Variants in RANBP2 observed in about 807,000 individuals in gnomAD.
RANBP2 encodes the protein E3 SUMO-protein ligase RanBP2.
RANBP2 carries 57 observed loss-of-function variants against 303.6 expected under a neutral mutation model. The observed-to-expected ratio is 0.19, with a 90% CI of 0.15 to 0.23. The LOEUF (loss-of-function observed/expected upper bound fraction) is 0.23. RANBP2 is among the 10% of genes least tolerant of loss of function. The pLI, the probability that RANBP2 is intolerant of heterozygous loss-of-function variation, is 1.00. For missense variants in RANBP2, 3,138 were observed against 3,780.8 expected (o/e 0.83, Z 4.46); for synonymous variants, 1,167 against 1,301.5 (o/e 0.90, Z 2.23).
the RANBP2 span, among the ~76,000 whole-genome samples, chr2:109,085,122 C>T: frequency 6.6e-5 from 10 of 152,164 alleles, no homozygotes; most frequent in Non-Finnish European, 1.0e-4. Flanking sequence ...TCCAGGAAGC[C>T]GAGGAGGACC....
At chr2:109,694,226 T>C in the RANBP2 span, among the ~76,000 whole-genome samples, 1 of 152,260 alleles carries the variant, frequency 6.6e-6, no homozygotes, top group Non-Finnish European at 1.5e-5. Flanking sequence ...GTTCTCACTA[T>C]GCTTGTTTAA....
rs1309155199 is a variant in RANBP2 at position 108,765,988 on chromosome 2, G to C, written c.5449G>C (p.Ala1817Pro). The C allele has an allele frequency of 6.2e-7, 1 of 1,614,042 alleles. No individual in the cohort carries two copies. The highest frequency in any genetic ancestry group is 8.5e-7 in the Non-Finnish European group (1 of 1,180,002). ...SKPTHKPIAE[A>P]PSAFTLGSEM... is the part of the protein sequence containing the mutation. Reference sequence around the variant, plus strand: ...ACCAACTCATAAACCTATTGCAGAAGCTCCTTCAGCTTTCACACTGGGCTC... The same window carrying C: ...ACCAACTCATAAACCTATTGCAGAACCTCCTTCAGCTTTCACACTGGGCTC... Residue 1817 changes from alanine (A) to proline (P), a missense_variant, in exon 20 of 29, where the codon GCT (alanine) becomes CCT (proline). Ala to Pro is a conservative substitution (Grantham distance 27, BLOSUM62 -1). Transcript: ENST00000283195.
chr2:109,078,100 A>ATATATATAGCATG, the RANBP2 span, among the ~76,000 whole-genome samples: 2 of 70,006 alleles, frequency 2.9e-5, no homozygotes, highest in African/African-American at 1.0e-4. Flanking sequence ...ATATATATAT[A>ATATATATAGCATG]TATATATATA....
At chr2:109,774,518 TATATTATATATATTATATATAAA>T in the RANBP2 span, among the ~76,000 whole-genome samples, 1 of 85,000 alleles carries the variant, frequency 1.2e-5, no homozygotes, top group African/African-American at 6.7e-5. Flanking sequence ...ATATATAATA[TATATTATATATATTATATATAAA>T]ATATATATAA....
the RANBP2 span, among the ~76,000 whole-genome samples, chr2:109,096,855 G>A: frequency 1.4e-5 from 2 of 146,798 alleles, no homozygotes; most frequent in South Asian, 2.3e-4. Context: ...TACCCAGATT[G>A]ATAAACTTGC....
At chr2:109,713,169 G>T in the RANBP2 span, among the ~76,000 whole-genome samples, 1 of 152,134 alleles carries the variant, frequency 6.6e-6, no homozygotes, top group African/African-American at 2.4e-5. Flanking sequence ...CCAGAGCAGG[G>T]TTCCTGGAAG....
the RANBP2 span, among the ~76,000 whole-genome samples, chr2:108,875,332 AAAAAGAAAC>A: frequency 1.2e-4 from 16 of 136,196 alleles, no homozygotes; most frequent in East Asian, 0.019. Context: ...AAAAAAAAAA[AAAAAGAAAC>A]AAATTCTTAA....
At chr2:109,240,940 C>T in the RANBP2 span, among the ~76,000 whole-genome samples, 1,110 of 140,872 alleles carry the variant, frequency 7.9e-3, 8 homozygotes, top group South Asian at 0.025. Context: ...CATCTTCTTT[C>T]TCCCTCACCT....
At chr2:109,613,046 G>A in the RANBP2 span, 2 of 541,810 alleles carry the variant, frequency 3.7e-6, no homozygotes, top group Non-Finnish European at 3.3e-6. Context: ...AAAATTAAAA[G>A]GGAGAATTTG....
the RANBP2 span, chr2:109,313,505 G>C: frequency 6.5e-6 from 1 of 154,868 alleles, no homozygotes; most frequent in Non-Finnish European, 1.5e-5. Flanking sequence ...CTGGGTGAGC[G>C]CTGTACCAGT....
the RANBP2 span, among the ~76,000 whole-genome samples, chr2:109,239,107 C>G: frequency 4.6e-5 from 7 of 152,208 alleles, no homozygotes; most frequent in African/African-American, 1.7e-4. Context: ...ACGTCCAAGA[C>G]ACGTCTTTTC....
the RANBP2 span, chr2:108,931,150 T>C: frequency 1.2e-6 from 1 of 815,282 alleles, no homozygotes; most frequent in South Asian, 1.4e-5. Context: ...GGGGAAACTA[T>C]ACATCCTAAA....
At chr2:109,066,328 T>G in the RANBP2 span, among the ~76,000 whole-genome samples, 1 of 152,028 alleles carries the variant, frequency 6.6e-6, no homozygotes. Context: ...AGGCTGGTCT[T>G]GAACTCCTGA....
chr2:109,400,931 C>A, the RANBP2 span, among the ~76,000 whole-genome samples: 2 of 152,196 alleles, frequency 1.3e-5, no homozygotes, highest in Non-Finnish European at 2.9e-5. Context: ...TGGTCCCAAC[C>A]CTAACTCCAC....
the RANBP2 span, among the ~76,000 whole-genome samples, chr2:109,038,881 T>C: frequency 2.0e-5 from 3 of 152,154 alleles, no homozygotes; most frequent in Non-Finnish European, 4.4e-5. Flanking sequence ...GTAAGTGTAG[T>C]GGTATCTCTT....
the RANBP2 span, among the ~76,000 whole-genome samples, chr2:109,668,419 T>C: frequency 6.6e-6 from 1 of 152,176 alleles, no homozygotes; most frequent in Non-Finnish European, 1.5e-5. Context: ...GCATATATAC[T>C]TGGGAAGCTG....
chr2:109,391,085 G>A, the RANBP2 span, among the ~76,000 whole-genome samples: 1 of 152,238 alleles, frequency 6.6e-6, no homozygotes, highest in Non-Finnish European at 1.5e-5. Flanking sequence ...GTCCATAAGA[G>A]GGGGCTGAAA....
At chr2:109,425,009 G>C in the RANBP2 span, among the ~76,000 whole-genome samples, 1 of 152,164 alleles carries the variant, frequency 6.6e-6, no homozygotes, top group African/African-American at 2.4e-5. Flanking sequence ...GTTATTGAAG[G>C]AAATTAAAAG....
chr2:108,871,259 G>A, the RANBP2 span, among the ~76,000 whole-genome samples: 1 of 151,358 alleles, frequency 6.6e-6, no homozygotes, highest in African/African-American at 2.4e-5. Flanking sequence ...CTAGCCAGGT[G>A]TGGTGTCTCA....
Sources: allele counts gnomAD v4.1 joint callset (sites outside exome capture counted in the v4.1 genomes callset), GRCh38; gene constraint gnomAD v4.1.1; transcripts MANE v1.5; gene names NCBI Gene and HGNC (gene_info 2026-07-23, HGNC 2026-07-21).